Variants in ATP6V0A2 observed in about 807,000 individuals in gnomAD.
The protein encoded by ATP6V0A2 is V-type proton ATPase 116 kDa subunit a 2.
In ATP6V0A2, 58 loss-of-function variants were observed where a neutral mutation model predicts 104.4. The observed-to-expected ratio is 0.56, with a 90% CI of 0.45 to 0.69. The LOEUF is 0.69. Ranked by LOEUF, ATP6V0A2 falls within the 30% of genes least tolerant of loss-of-function variation. The probability of loss-of-function intolerance (pLI) is 0.00; values close to 1 mark genes in which losing one functional copy is unlikely to be tolerated. For synonymous variants in ATP6V0A2, 376 were observed against 397.9 expected (o/e 0.95, Z 0.65); for missense variants, 938 against 1,062.9 (o/e 0.88, Z 1.63).
intron 15 of ATP6V0A2, chr12:123,750,669 C>T (rs1338003790): frequency 2.0e-5 from 4 of 196,832 alleles, no homozygotes; most frequent in Admixed American, 5.3e-5. Flanking sequence ...TTCTCTTCCA[C>T]GATTTTCTGT....
In ATP6V0A2 at chr12:123,712,511, G is replaced by A. The variant is rs1487018061; in HGVS notation, c.-55G>A. On this transcript the variant is annotated 5_prime_UTR_variant, in exon 1 of 20. Transcript: ENST00000330342. ...GCACCGGCTGAGTGTGCGGGCCCGCGCGGCTCGGAGCCGCCGCCGCCCATC... is the reference window on the plus strand; with the variant it reads ...GCACCGGCTGAGTGTGCGGGCCCGCACGGCTCGGAGCCGCCGCCGCCCATC... The A allele has an allele frequency of 9.6e-6, 13 of 1,351,826 alleles. No individual in the cohort carries two copies. The highest frequency in any genetic ancestry group is 1.3e-5 in the Non-Finnish European group (13 of 995,640). The allele number at this position is 1,351,826 out of a possible 1,614,324, so 83.7% of individuals were successfully genotyped here.
chr12:123,744,117 A>C lies in ATP6V0A2; in HGVS notation c.1190-84A>C, dbSNP rs1024455951. On this transcript the variant is annotated intron_variant, in intron 10 of 19. Transcript: ENST00000330342. The surrounding 1 kb of genome is among the most constrained non-coding windows in gnomAD (Gnocchi z 5.4). ...CTTGTGAATTCTGGAGAAAGTCAAG[A>C]TTGTTATGTATCATTGTGTTTGAAT... The C allele has an allele frequency of 6.3e-7, 1 of 1,577,064 alleles. No individual in the cohort carries two copies. Among genetic ancestry groups the C allele is most frequent in the Non-Finnish European group, 8.7e-7 (1 of 1,147,678 alleles).
intron 9 of ATP6V0A2, among the ~76,000 whole-genome samples, chr12:123,738,214 C>T (rs1223141174): frequency 1.3e-5 from 2 of 152,114 alleles, no homozygotes; most frequent in African/African-American, 4.8e-5. Flanking sequence ...ACCAGCCTGA[C>T]CAACATGGTG....
intron 13 of ATP6V0A2, among the ~76,000 whole-genome samples, chr12:123,745,560 G>A (rs142846401): frequency 0.011 from 1,605 of 152,208 alleles, 23 homozygotes; most frequent in African/African-American, 0.036. Context: ...CAAAAAATTA[G>A]CTGGGTGTGG....
At chr12:123,740,018 A>C (rs1956592996) in intron 9 of ATP6V0A2, among the ~76,000 whole-genome samples, 1 of 152,118 alleles carries the variant, frequency 6.6e-6, no homozygotes, top group South Asian at 2.1e-4. Flanking sequence ...CTCAAAAGTC[A>C]GCCGGATGTG....
In ATP6V0A2 at chr12:123,712,410, G is replaced by T. The variant is rs1223854778; in HGVS notation, c.-156G>T. On this transcript the variant is annotated 5_prime_UTR_variant, in exon 1 of 20. Coordinates refer to ENST00000330342, the MANE Select transcript of ATP6V0A2 (RefSeq NM_012463.4). ...AGCGGCGGCCGCGGTGGCAGAACCG[G>T]GGGCGGCCGCTGCAGTCTGGAGCCC... 2.5e-6 allele frequency: 1 copy of T among 394,056 alleles called. No homozygotes were observed. Among genetic ancestry groups the T allele is most frequent in the African/African-American group, 2.1e-5 (1 of 47,292 alleles). The allele number at this position is 394,056 out of a possible 1,614,324, so 24.4% of individuals were successfully genotyped here.
At position 123,750,836 on chromosome 12, in the gene ATP6V0A2, A is replaced by G. The variant is rs1956707300; in HGVS notation, c.1936-274A>G. On this transcript the variant is annotated intron_variant, in intron 15 of 19. Coordinates refer to ENST00000330342, the MANE Select transcript of ATP6V0A2 (RefSeq NM_012463.4). ...GTGTTTACAGAAAATGATTAGTTGG[A>G]GTTTGACTCTCTTTAGAATTTTTGT... 4 of 451,960 alleles carry G rather than the reference A, an allele frequency of 8.9e-6. No homozygotes were observed. The Admixed American group carries it at 1.0e-4, about 12-fold the overall frequency. The allele number at this position is 451,960 out of a possible 1,614,324, so 28.0% of individuals were successfully genotyped here.
chr12:123,717,675 C>T (rs941758966), intron 1 of ATP6V0A2, among the ~76,000 whole-genome samples: 1 of 151,854 alleles, frequency 6.6e-6, no homozygotes, highest in Non-Finnish European at 1.5e-5. Flanking sequence ...AACTACTGGC[C>T]TCAGGTAGTC....
chr12:123,724,785 T>G lies in ATP6V0A2; in HGVS notation c.426T>G (p.Asn142Lys). The change falls in exon 4 of 20, where the codon AAT becomes AAG. Residue 142 changes from asparagine to lysine, a missense_variant. Coordinates refer to ENST00000330342, the MANE Select transcript of ATP6V0A2 (RefSeq NM_012463.4). ...LRVTKTFVKR[N>K]VEFEPTYEEF... ...TGACAAAGACCTTTGTGAAACGCAA[T>G]GTTGAGGTACTGAACAGCTCGTGAG... 1 of 1,612,538 alleles carries G rather than the reference T, an allele frequency of 6.2e-7. No homozygotes were observed.
intron 15 of ATP6V0A2, among the ~76,000 whole-genome samples, chr12:123,749,085 T>G (rs1956690418): frequency 6.6e-6 from 1 of 152,062 alleles, no homozygotes; most frequent in South Asian, 2.1e-4. Flanking sequence ...AGCCCGTGAG[T>G]TCGAGACCAG....
In ATP6V0A2 at chr12:123,734,725, C is replaced by T. The variant is rs560584727; in HGVS notation, c.731+717C>T. Among the ~76,000 whole-genome samples the T allele has an allele frequency of 9.8e-5, 15 of 152,290 alleles. No individual in the cohort carries two copies. In the East Asian group the frequency reaches 1.9e-3, roughly 20 times the overall value. On this transcript the variant is annotated intron_variant, in intron 7 of 19. Coordinates refer to ENST00000330342, the MANE Select transcript of ATP6V0A2 (RefSeq NM_012463.4). ...TCCCCCCATGGACAACTCAGCTTGC[C>T]TTGTTTCTTGCAGGGTGGAGGGGGG...
At position 123,744,684 on chromosome 12, in the gene ATP6V0A2, T is replaced by G; in HGVS notation, c.1414T>G (p.Phe472Val). The change falls in exon 12 of 20, where the codon TTT becomes GTT. Residue 472 changes from phenylalanine (F) to valine (V), a missense_variant. Phe to Val is a conservative substitution (Grantham distance 50). Coordinates refer to ENST00000330342, the MANE Select transcript of ATP6V0A2 (RefSeq NM_012463.4). The surrounding 1 kb of genome is among the most constrained non-coding windows in gnomAD (Gnocchi z 5.4). Reference protein sequence around the residue: ...VYTGLIYNDCFSKSVNLFGSG... With the variant: ...VYTGLIYNDCVSKSVNLFGSG... Reference sequence around the variant, plus strand: ...CACTGGCCTCATCTACAACGACTGCTTTTCAAAGTCAGTCAACCTGTTCGG... The same window carrying G: ...CACTGGCCTCATCTACAACGACTGCGTTTCAAAGTCAGTCAACCTGTTCGG... 6.2e-7 allele frequency: 1 copy of G among 1,614,168 alleles called. No individual in the cohort carries two copies. Among genetic ancestry groups the G allele is most frequent in the Non-Finnish European group, 8.5e-7 (1 of 1,180,044 alleles).
chr12:123,746,894 C>T (rs1956668143), intron 13 of ATP6V0A2, among the ~76,000 whole-genome samples: 1 of 151,680 alleles, frequency 6.6e-6, no homozygotes. Context: ...GATTGCGCCA[C>T]TGCACTCCAG....
At chr12:123,733,316 A>G (rs1353339870) in intron 6 of ATP6V0A2, 3 of 148,552 alleles carry the variant, frequency 2.0e-5, no homozygotes, top group Non-Finnish European at 4.5e-5. Flanking sequence ...TCTGTCTCAA[A>G]AAAAAAAAAA....
chr12:123,751,989 AG>A (rs1169301118), intron 16 of ATP6V0A2, among the ~76,000 whole-genome samples: 19 of 151,082 alleles, frequency 1.3e-4, no homozygotes. Flanking sequence ...GCCCTCAAAT[AG>A]GGGGACTACA....
chr12:123,735,142 CGTGTGTGTGT>C (rs56266144), intron 7 of ATP6V0A2, among the ~76,000 whole-genome samples: 1 of 148,392 alleles, frequency 6.7e-6, no homozygotes, highest in African/African-American at 2.5e-5. Flanking sequence ...CTTTTGTTTT[CGTGTGTGTGT>C]GTGTGTGTGT....
chr12:123,727,246 A>G (rs1003182883), intron 5 of ATP6V0A2, among the ~76,000 whole-genome samples: 1 of 151,540 alleles, frequency 6.6e-6, no homozygotes, highest in African/African-American at 2.4e-5. Context: ...AATAATCAGG[A>G]CAGCTGTGAG....
intron 14 of ATP6V0A2, 118 bp from the exon 15 acceptor site, chr12:123,748,457 A>T (rs774316815): frequency 2.5e-6 from 2 of 815,310 alleles, no homozygotes; most frequent in Non-Finnish European, 4.3e-6. Context: ...GATTCATCAT[A>T]TGAGAAATGA....
At chr12:123,737,709 A>C (rs1593903995) in intron 9 of ATP6V0A2, 1 of 208,918 alleles carries the variant, frequency 4.8e-6, no homozygotes, top group African/African-American at 2.3e-5. Flanking sequence ...GCTTCCTCCC[A>C]CCCCATAGCC....
Sources: allele counts gnomAD v4.1 joint callset (sites outside exome capture counted in the v4.1 genomes callset), GRCh38; gene constraint gnomAD v4.1.1; non-coding constraint Gnocchi (gnomAD v3.1); transcripts MANE v1.5; gene names NCBI Gene and HGNC (gene_info 2026-07-23, HGNC 2026-07-21).